MOGS: variants seen among roughly 807,000 people sequenced by gnomAD.
MOGS encodes epididymis secretory sperm binding protein.
Under a neutral mutation model 68.5 loss-of-function variants are expected in MOGS, and 45 were observed. The observed-to-expected ratio is 0.66, with a 90% confidence interval of 0.52 to 0.84. MOGS has a LOEUF of 0.84. Ranked by LOEUF, MOGS falls within the 40% of genes least tolerant of loss-of-function variation. The pLI is 0.00. For synonymous variants in MOGS, 492 were observed against 461.2 expected, an observed-to-expected ratio of 1.07 and a Z score of -0.86; for missense variants, 1,020 against 1,095.0, an observed-to-expected ratio of 0.93 and a Z score of 0.97.
chr2:74,464,917 T>C lies in MOGS; in HGVS notation c.331A>G (p.Ser111Gly). Residue 111 changes from serine (S) to glycine (G), a missense_variant, in exon 1 of 4, where the codon AGC becomes GGC. Transcript: ENST00000448666. ...TTACCGGTGAGGAGGGGCTTCGGGC[T>C]GCGGGTCTTCATGCCGAAGTAGACG... ...PHVYFGMKTR[S>G]PKPLLTGLMW... 1 of 1,604,926 alleles carries C rather than the reference T, an allele frequency of 6.2e-7. No individual in the cohort carries two copies. The highest frequency in any genetic ancestry group is 8.5e-7 in the Non-Finnish European group (1 of 1,175,360).
At chr2:74,463,634 C>A in intron 2 of MOGS, 1 of 457,074 alleles carries the variant, frequency 2.2e-6, no homozygotes, top group Admixed American at 3.6e-5. Flanking sequence ...ACACTAAGAA[C>A]TCTACACAGT....
At position 74,462,187 on chromosome 2, in the gene MOGS, G is replaced by A. The variant is rs769679854; in HGVS notation, c.1602C>T (p.Leu534=). Residue 534 remains leucine, a synonymous_variant, in exon 4 of 4, where the codon CTC becomes CTT. Transcript: ENST00000448666. ...EVGDPDDLAF[L]RKALPRLHAW... is the part of the protein sequence containing the mutation. ...CATGCAGGCGGGGCAAGGCCTTTCG[G>A]AGGAAAGCCAAGTCGTCAGGGTCAC... 11 of 1,614,090 alleles carry A rather than the reference G, an allele frequency of 6.8e-6. No individual in the cohort carries two copies. The highest frequency in any genetic ancestry group is 3.3e-5 in the South Asian group (3 of 91,096).
chr2:74,465,326 C>G lies in MOGS; in HGVS notation c.-79G>C. On this transcript the variant is annotated 5_prime_UTR_variant, in exon 1 of 4. Coordinates refer to ENST00000448666, the MANE Select transcript of MOGS (RefSeq NM_006302.3). ...GGTCCTGCCTCACCTCTCCGGCTCC[C>G]GCCTCTCGCCCTGGCGACCACCGTC... 9.4e-7 allele frequency: 1 copy of G among 1,064,132 alleles called. No individual in the cohort carries two copies. Among genetic ancestry groups the G allele is most frequent in the Non-Finnish European group, 1.2e-6 (1 of 811,886 alleles). The allele number at this position is 1,064,132 out of a possible 1,614,324, so 65.9% of individuals were successfully genotyped here. A position where few individuals can be genotyped will look rare whatever the true frequency, so the allele number is the denominator to read the frequency against.
Position 74,461,354 on chromosome 2 carries a change from C to T in MOGS, c.2435G>A (p.Arg812His), listed in dbSNP as rs773010157. 6.8e-6 allele frequency: 11 copies of T among 1,614,140 alleles called. No individual in the cohort carries two copies. The highest frequency in any genetic ancestry group is 1.6e-4 in the Middle Eastern group (1 of 6,062). ...TGFLWEQYSD[R>H]DGRGMGCRPF... Reference sequence around the variant, plus strand: ...GCGGCAGCCCATGCCTCGCCCATCGCGGTCACTGTACTGCTCCCAAAGAAA... The same window carrying T: ...GCGGCAGCCCATGCCTCGCCCATCGTGGTCACTGTACTGCTCCCAAAGAAA... Residue 812 changes from arginine to histidine, a missense_variant, in exon 4 of 4, where the codon CGC (arginine) becomes CAC (histidine). By Grantham distance (29) the Arg-to-His change is conservative (BLOSUM62 0). This residue lies in a region of MOGS where 270 missense variants were observed against 261.3 expected (regional missense o/e 1.03). Coordinates refer to ENST00000448666, the MANE Select transcript of MOGS (RefSeq NM_006302.3).
chr2:74,463,803 A>G (rs1334967807), intron 2 of MOGS, among the ~76,000 whole-genome samples: 1 of 151,370 alleles, frequency 6.6e-6, no homozygotes, highest in African/African-American at 2.4e-5. Context: ...AGCTGCGACA[A>G]TAGGCGCCCG....
Position 74,461,457 on chromosome 2 carries a change from C to T in MOGS, c.2332G>A (p.Ala778Thr). 4 of 1,614,212 alleles carry T rather than the reference C, an allele frequency of 2.5e-6. No homozygotes were observed. ...TCACCGTGGAGTTTGGCAGCCCGAG[C>T]CTGGTGAGGACCCTCCAGATGCCCA... ...HYGHLEGPHQ[A>T]RAAKLHGELR... is the part of the protein sequence containing the mutation. Residue 778 changes from alanine (A) to threonine (T), a missense_variant, in exon 4 of 4, where the codon GCT becomes ACT. Physicochemically the swap from Ala to Thr is moderately conservative, Grantham distance 58. Around this residue, in one of 3 missense-constraint regions of MOGS, gnomAD observed 270 missense variants for 261.3 expected, o/e 1.03. Coordinates refer to ENST00000448666, the MANE Select transcript of MOGS (RefSeq NM_006302.3).
At position 74,461,608 on chromosome 2, in the gene MOGS, AC is replaced by A. The variant is rs781319733; in HGVS notation, c.2180del (p.Gly727ValfsTer66). On this transcript the variant is annotated frameshift_variant, in exon 4 of 4. Transcript: ENST00000448666. LOFTEE classifies it high-confidence loss of function. Reference sequence around the variant, plus strand: ...AGCTGGAGGCTGCAAGGGAGCGTAAACCAAAGGGGCTCCAGAGATGGCGGCT... The same window carrying A: ...AGCTGGAGGCTGCAAGGGAGCGTAAACAAAGGGGCTCCAGAGATGGCGGCT... ...ADSRHLWSPFGLRSLAASSSF... is the reference protein window; with the variant it reads ...ADSRHLWSPFXLRSLAASSSF... The A allele has an allele frequency of 6.2e-7, 1 of 1,613,946 alleles. No homozygotes were observed. The highest frequency in any genetic ancestry group is 1.7e-5 in the Admixed American group (1 of 60,014).
In MOGS at chr2:74,462,938, C is replaced by G; in HGVS notation, c.851G>C (p.Trp284Ser). Reference protein sequence around the residue: ...TEMVKSRLNSWFQHRPPGAPP... With the variant: ...TEMVKSRLNSSFQHRPPGAPP... ...GGCCCCTGGGGGCCGATGCTGAAAC[C>G]AGCTATTTAGGCGACTCTTTACCAT... The change falls in exon 4 of 4, where the codon TGG becomes TCG. Residue 284 changes from tryptophan to serine, a missense_variant. Trp to Ser is a radical substitution (Grantham distance 177). Transcript: ENST00000448666. 1 of 1,614,194 alleles carries G rather than the reference C, an allele frequency of 6.2e-7. No homozygotes were observed. The highest frequency in any genetic ancestry group is 2.2e-5 in the East Asian group (1 of 44,890).
Position 74,463,344 on chromosome 2 carries a change from AG to A in MOGS, c.621del (p.Tyr208MetfsTer3). ...TSALPLVSLF[F>X]YVVTDGKEVL... The stretch of plus-strand genomic sequence containing the variant: ...ACTTCCTTGCCATCTGTCACCACAT[AG>A]AAGAACAGGGAGACCAAAGGGAGGG... On this transcript the variant is annotated frameshift_variant, in exon 3 of 4. Transcript: ENST00000448666. LOFTEE classifies it high-confidence loss of function. The A allele has an allele frequency of 6.2e-7, 1 of 1,614,200 alleles. No individual in the cohort carries two copies. Among genetic ancestry groups the A allele is most frequent in the Non-Finnish European group, 8.5e-7 (1 of 1,180,034 alleles).
Position 74,461,489 on chromosome 2 carries a change from T to C in MOGS, c.2300A>G (p.His767Arg), listed in dbSNP as rs1572919317. Residue 767 changes from histidine to arginine, a missense_variant, in exon 4 of 4, where the codon CAC (histidine) becomes CGC (arginine). Physicochemically the swap from His to Arg is conservative, Grantham distance 29. Transcript: ENST00000448666. ...NVNYLALGAL[H>R]HYGHLEGPHQ... ...AGGACCCTCCAGATGCCCATAGTGG[T>C]GGAGTGCTCCCAAAGCCAGGTAGTT... 1 of 1,613,992 alleles carries C rather than the reference T, an allele frequency of 6.2e-7. No homozygotes were observed. Among genetic ancestry groups the C allele is most frequent in the South Asian group, 1.1e-5 (1 of 91,086 alleles).
Position 74,462,109 on chromosome 2 carries a change from G to A in MOGS, c.1680C>T (p.Tyr560=), listed in dbSNP as rs1558565201. The A allele has an allele frequency of 2.5e-6, 4 of 1,614,164 alleles. No homozygotes were observed. The highest frequency in any genetic ancestry group is 3.4e-6 in the Non-Finnish European group (4 of 1,179,972). The change falls in exon 4 of 4, where the codon TAC becomes TAT. Residue 560 remains tyrosine, a synonymous_variant. Coordinates refer to ENST00000448666, the MANE Select transcript of MOGS (RefSeq NM_006302.3). ...AGGCAGGGTCCCGTCCCCGCCAGCG[G>A]TAAGATAGTGGCAGTGGGCCTGCCT... ...QSQAGPLPLS[Y]RWRGRDPALP... is the part of the protein sequence containing the mutation.
In MOGS at chr2:74,461,726, G is replaced by A. The variant is rs755973691; in HGVS notation, c.2063C>T (p.Ala688Val). 22 of 1,614,236 alleles carry A rather than the reference G, an allele frequency of 1.4e-5. No homozygotes were observed. In the South Asian group the frequency reaches 2.2e-4, roughly 16 times the overall value. The change falls in exon 4 of 4, where the codon GCT (alanine) becomes GTT (valine). Residue 688 changes from alanine (A) to valine (V), a missense_variant. By Grantham distance (64) the Ala-to-Val change is moderately conservative. Around this residue, in one of 3 missense-constraint regions of MOGS, gnomAD observed 270 missense variants for 261.3 expected, o/e 1.03. Coordinates refer to ENST00000448666, the MANE Select transcript of MOGS (RefSeq NM_006302.3). ...RPQPQLQYVD[A>V]LGYVSLFPLL... ...GGGAAAAAGACTGACATAGCCAAGA[G>A]CATCTACATACTGCAGTTGAGGTTG...
Position 74,465,342 on chromosome 2 carries a change from G to A in MOGS, c.-95C>T. The A allele has an allele frequency of 2.6e-6, 2 of 766,600 alleles. No individual in the cohort carries two copies. The highest frequency in any genetic ancestry group is 3.7e-6 in the Non-Finnish European group (2 of 542,180). The allele number at this position is 766,600 out of a possible 1,614,324, so 47.5% of individuals were successfully genotyped here. ...TCCGGCTCCCGCCTCTCGCCCTGGCGACCACCGTCCGGTTAGCGACACCTG... is the reference window on the plus strand; with the variant it reads ...TCCGGCTCCCGCCTCTCGCCCTGGCAACCACCGTCCGGTTAGCGACACCTG... On this transcript the variant is annotated 5_prime_UTR_variant, in exon 1 of 4. Transcript: ENST00000448666.
rs1671972897 is a variant in MOGS, at chr2:74,463,021, G to A, written c.777-9C>T. 10 of 1,613,756 alleles carry A rather than the reference G, an allele frequency of 6.2e-6. No homozygotes were observed. Among genetic ancestry groups the A allele is most frequent in the Non-Finnish European group, 8.5e-6 (10 of 1,179,966 alleles). On this transcript the variant is annotated splice_polypyrimidine_tract_variant and intron_variant, in intron 3 of 3. Coordinates refer to ENST00000448666, the MANE Select transcript of MOGS (RefSeq NM_006302.3). ...TCCAGAAGACATTGTAGCTTGAAGG[G>A]GAGAAGATAAATAGGAAATATTATT...
In MOGS at chr2:74,462,268, T is replaced by G. The variant is rs372444445; in HGVS notation, c.1521A>C (p.Ala507=). The part of the protein sequence containing the change: ...RVPPEFLVQR[A]VHANPPTLLL... Reference sequence around the variant, plus strand: ...GTAGGGTTGGGGGGTTGGCGTGGACTGCTCGTTGTACTAGGAATTCTGGAG... The same window carrying G: ...GTAGGGTTGGGGGGTTGGCGTGGACGGCTCGTTGTACTAGGAATTCTGGAG... The change falls in exon 4 of 4, where the codon GCA becomes GCC. Residue 507 remains alanine, a synonymous_variant. Transcript: ENST00000448666. 6.2e-7 allele frequency: 1 copy of G among 1,613,838 alleles called. No individual in the cohort carries two copies. The highest frequency in any genetic ancestry group is 8.5e-7 in the Non-Finnish European group (1 of 1,180,032).
Position 74,465,045 on chromosome 2 carries a change from G to T in MOGS, c.203C>A (p.Ala68Glu). ...SGRWVLAWYR[A>E]RRAVTLHSAP... ...GGAGTGCAGCGTGACCGCCCGCCGCGCACGGTACCACGCCAGCACCCAGCG... is the reference window on the plus strand; with the variant it reads ...GGAGTGCAGCGTGACCGCCCGCCGCTCACGGTACCACGCCAGCACCCAGCG... The change falls in exon 1 of 4, where the codon GCG (alanine) becomes GAG (glutamate). Residue 68 changes from alanine (A) to glutamate (E), a missense_variant. By Grantham distance (107) the Ala-to-Glu change is moderately radical. Around this residue, in one of 3 missense-constraint regions of MOGS, gnomAD observed 569 missense variants for 571.9 expected, o/e 0.99. Coordinates refer to ENST00000448666, the MANE Select transcript of MOGS (RefSeq NM_006302.3). 1 of 1,555,294 alleles carries T rather than the reference G, an allele frequency of 6.4e-7. No individual in the cohort carries two copies. Among genetic ancestry groups the T allele is most frequent in the Middle Eastern group, 1.7e-4 (1 of 5,972 alleles).
At position 74,465,221 on chromosome 2, in the gene MOGS, G is replaced by A. The variant is rs769520957; in HGVS notation, c.27C>T (p.Arg9=). Residue 9 remains arginine (R), a synonymous_variant, in exon 1 of 4, where the codon CGC becomes CGT. Transcript: ENST00000448666. MARGERRR[R]AVPAEGVRTA... is the part of the protein sequence containing the mutation. The stretch of plus-strand genomic sequence containing the variant: ...TCCGCACTCCCTCTGCCGGCACTGC[G>A]CGGCGCCGCCGCTCGCCCCGAGCCA... The A allele has an allele frequency of 1.4e-6, 2 of 1,452,974 alleles. No individual in the cohort carries two copies. The highest frequency in any genetic ancestry group is 3.0e-5 in the African/African-American group (2 of 67,496). 90.0% of individuals were successfully genotyped at this position (1,452,974 alleles called of 1,614,324 possible).
chr2:74,462,902 C>G lies in MOGS; in HGVS notation c.887G>C (p.Arg296Pro). 6.2e-7 allele frequency: 1 copy of G among 1,614,196 alleles called. No individual in the cohort carries two copies. Among genetic ancestry groups the G allele is most frequent in the Non-Finnish European group, 8.5e-7 (1 of 1,180,046 alleles). Reference sequence around the variant, plus strand: ...CAGGGATCCTGGCAAGCCGAGGTAGCGTTCAGGGGGGGCCCCTGGGGGCCG... The same window carrying G: ...CAGGGATCCTGGCAAGCCGAGGTAGGGTTCAGGGGGGGCCCCTGGGGGCCG... ...QHRPPGAPPE[R>P]YLGLPGSLKW... is the part of the protein sequence containing the mutation. The change falls in exon 4 of 4, where the codon CGC (arginine) becomes CCC (proline). Residue 296 changes from arginine (R) to proline (P), a missense_variant. By Grantham distance (103) the Arg-to-Pro change is moderately radical. Coordinates refer to ENST00000448666, the MANE Select transcript of MOGS (RefSeq NM_006302.3).
chr2:74,463,295 TTGGCCCCAAC>T lies in MOGS; in HGVS notation c.661_670del (p.Val221ArgfsTer4). The T allele has an allele frequency of 6.2e-7, 1 of 1,614,212 alleles. No individual in the cohort carries two copies. Among genetic ancestry groups the T allele is most frequent in the South Asian group, 1.1e-5 (1 of 91,088 alleles). On this transcript the variant is annotated frameshift_variant, in exon 3 of 4. Transcript: ENST00000448666. LOFTEE classifies it high-confidence loss of function. ...CCCACTGATAAACTTCAACTGCCCC[TTGGCCCCAAC>T]CTCTGGTAGTAGGACTTCCTTGCCA...
Sources: gnomAD v4.1 joint callset for allele counts (sites outside exome capture counted in the v4.1 genomes callset) on GRCh38, gnomAD v4.1.1 for gene constraint, gnomAD v4.1.1 regional missense constraint, MANE v1.5 for transcripts, NCBI Gene and HGNC (gene_info 2026-07-23, HGNC 2026-07-21) for gene names.